EPHX1: variants seen among roughly 807,000 people sequenced by gnomAD.
EPHX1 encodes epoxide hydratase.
A neutral mutation model predicts 43.2 loss-of-function variants in EPHX1; 40 were observed. That is an observed-to-expected ratio of 0.93 (90% CI 0.72 to 1.21). The LOEUF is 1.21. Ranked by LOEUF, EPHX1 falls within the 50% of genes most tolerant of loss-of-function variation. The pLI is 0.00. For synonymous variants in EPHX1, 221 were observed against 226.7 expected, an observed-to-expected ratio of 0.98 and a Z score of 0.22; for missense variants, 550 against 570.4, an observed-to-expected ratio of 0.96 and a Z score of 0.36.
rs778715423 is a variant in EPHX1 at position 225,838,862 on chromosome 1, A to G, written c.573A>G (p.Ser191=). Residue 191 remains serine (S), a synonymous_variant, in exon 4 of 9, where the codon TCA becomes TCG. Coordinates refer to ENST00000272167, the MANE Select transcript of EPHX1 (RefSeq NM_001136018.4). ...ICPSIPGYGF[S]EASSKKGFNS... The stretch of plus-strand genomic sequence containing the variant: ...CTTCCATCCCTGGCTATGGCTTCTC[A>G]GAGGCATCCTCCAAGAAGGGTACGG... 6.2e-7 allele frequency: 1 copy of G among 1,614,024 alleles called. No homozygotes were observed. The highest frequency in any genetic ancestry group is 1.3e-5 in the African/African-American group (1 of 74,914).
intron 1 of EPHX1, among the ~76,000 whole-genome samples, chr1:225,824,094 G>C (rs936706080): frequency 1.3e-5 from 2 of 152,306 alleles, no homozygotes; most frequent in Non-Finnish European, 2.9e-5. Context: ...GGGTTAGGCA[G>C]ATAGAGAGTG....
chr1:225,845,174 T>G lies in EPHX1; in HGVS notation c.1195T>G (p.Ser399Ala). Residue 399 changes from serine (S) to alanine (A), a missense_variant, in exon 9 of 9, where the codon TCT becomes GCT. Coordinates refer to ENST00000272167, the MANE Select transcript of EPHX1 (RefSeq NM_001136018.4). Reference protein sequence around the residue: ...RMKVYVPTGFSAFPFELLHTP... With the variant: ...RMKVYVPTGFAAFPFELLHTP... ...GAAGGTCTATGTGCCCACTGGCTTC[T>G]CTGCCTTCCCTTTTGAGCTATTGCA... 6.2e-7 allele frequency: 1 copy of G among 1,614,172 alleles called. No homozygotes were observed. The highest frequency in any genetic ancestry group is 8.5e-7 in the Non-Finnish European group (1 of 1,180,034).
intron 3 of EPHX1, among the ~76,000 whole-genome samples, chr1:225,833,174 T>G (rs1460334764): frequency 1.3e-5 from 2 of 152,218 alleles, no homozygotes; most frequent in African/African-American, 2.4e-5. Flanking sequence ...ATTTTTTATA[T>G]TGAAGAAATT....
intron 1 of EPHX1, among the ~76,000 whole-genome samples, chr1:225,827,833 G>A (rs1361378669): frequency 6.6e-6 from 1 of 152,212 alleles, no homozygotes; most frequent in African/African-American, 2.4e-5. Flanking sequence ...CAGCTAAGCT[G>A]TGTGGCCATG....
In EPHX1 at chr1:225,839,366, GGTGTGTGTGT is replaced by G. The variant is rs34868815; in HGVS notation, c.722+47_722+56del. 6.6e-4 allele frequency: 1,032 copies of G among 1,560,668 alleles called. No homozygotes were observed. The highest frequency in any genetic ancestry group is 4.9e-3 in the Middle Eastern group (25 of 5,100). On this transcript the variant is annotated intron_variant, in intron 5 of 8. Transcript: ENST00000272167. ...GCCCAGGTGAGGTCACTGTTGGGGT[GGTGTGTGTGT>G]GTGTGTGTGTGTGTGTGTGTGTGTG...
At chr1:225,841,904 T>C (rs1668463317) in intron 6 of EPHX1, among the ~76,000 whole-genome samples, 1 of 152,256 alleles carries the variant, frequency 6.6e-6, no homozygotes, top group Non-Finnish European at 1.5e-5. Flanking sequence ...GCCCCCAGCC[T>C]GTTCCAGCCA....
At chr1:225,842,326 C>T (rs577154943) in intron 6 of EPHX1, 40 bp from the exon 7 acceptor site, 1 of 1,443,046 alleles carries the variant, frequency 6.9e-7, no homozygotes, top group African/African-American at 1.4e-5. Flanking sequence ...TCTCTGGTCC[C>T]CAGGCCTGAG....
chr1:225,832,413 G>T (rs563731569), intron 3 of EPHX1, among the ~76,000 whole-genome samples: 117 of 152,334 alleles, frequency 7.7e-4, no homozygotes, highest in Middle Eastern at 3.4e-3. Flanking sequence ...GCAGGCAGCT[G>T]TAATCCCAGC....
chr1:225,824,534 T>G (rs1278621171), intron 1 of EPHX1, among the ~76,000 whole-genome samples: 5 of 152,146 alleles, frequency 3.3e-5, no homozygotes, highest in African/African-American at 1.2e-4. Context: ...TTTACCAGGG[T>G]CTAGGAATTG....
At chr1:225,834,104 A>AG (rs1323640426) in intron 3 of EPHX1, among the ~76,000 whole-genome samples, 12 of 76,164 alleles carry the variant, frequency 1.6e-4, no homozygotes, top group Non-Finnish European at 2.6e-4. Context: ...TCTCAAAAAA[A>AG]AAAAAAAGAA....
At chr1:225,841,530 C>T (rs532579568) in intron 6 of EPHX1, among the ~76,000 whole-genome samples, 24 of 150,688 alleles carry the variant, frequency 1.6e-4, no homozygotes, top group South Asian at 1.1e-3. Flanking sequence ...GTGATCCACC[C>T]GCCTCGGCCT....
At chr1:225,822,916 C>T (rs935059538) in intron 1 of EPHX1, among the ~76,000 whole-genome samples, 3 of 152,004 alleles carry the variant, frequency 2.0e-5, no homozygotes, top group African/African-American at 4.8e-5. Flanking sequence ...TATGTGCACA[C>T]GGCTGCAGCG....
Position 225,828,844 on chromosome 1 carries a change from A to G in EPHX1, c.115A>G (p.Arg39Gly), listed in dbSNP as rs940678562. ...AGATGGGTGGTGGGGGCCAGGCACG[A>G]GGTCCGCAGCCAGGGAGGACGACAG... Reference protein sequence around the residue: ...LEDGWWGPGTRSAAREDDSIR... With the variant: ...LEDGWWGPGTGSAAREDDSIR... Residue 39 changes from arginine (R) to glycine (G), a missense_variant, in exon 2 of 9, where the codon AGG (arginine) becomes GGG (glycine). Arg to Gly is a moderately radical substitution (Grantham distance 125). Transcript: ENST00000272167. 6.2e-7 allele frequency: 1 copy of G among 1,611,810 alleles called. No individual in the cohort carries two copies. Among genetic ancestry groups the G allele is most frequent in the Non-Finnish European group, 8.5e-7 (1 of 1,178,966 alleles).
At position 225,839,887 on chromosome 1, in the gene EPHX1, A is replaced by G. The variant is rs572022944; in HGVS notation, c.781A>G (p.Thr261Ala). 2 of 1,613,890 alleles carry G rather than the reference A, an allele frequency of 1.2e-6. No homozygotes were observed. The highest frequency in any genetic ancestry group is 2.2e-5 in the South Asian group (2 of 91,060). ...ALVLSNFSTL[T>A]LLLGQRFGRF... ...GGTTTTAAGCAACTTCTCTACCCTG[A>G]CCCTCCTCCTGGGACAGCGTTTCGG... is the stretch of plus-strand genomic sequence containing the variant. Residue 261 changes from threonine (T) to alanine (A), a missense_variant, in exon 6 of 9, where the codon ACC becomes GCC. Thr to Ala is a moderately conservative substitution (Grantham distance 58). Transcript: ENST00000272167.
At chr1:225,844,984 A>G (rs1339732510) in intron 8 of EPHX1, among the ~76,000 whole-genome samples, 162 bp from the exon 9 acceptor site, 1 of 152,176 alleles carries the variant, frequency 6.6e-6, no homozygotes, top group Non-Finnish European at 1.5e-5. Flanking sequence ...GAAGGCCCTC[A>G]GTGAGGGGAG....
In EPHX1 at chr1:225,844,572, G is replaced by A. The variant is rs778643426; in HGVS notation, c.1115G>A (p.Arg372His). 15 of 1,614,004 alleles carry A rather than the reference G, an allele frequency of 9.3e-6. No homozygotes were observed. Among genetic ancestry groups the A allele is most frequent in the East Asian group, 6.7e-5 (3 of 44,898 alleles). ...ACAGGCACCATCATCTCCTCCCAGC[G>A]CTTCTACAAGGAGAACCTGGGACAG... ...WTTGTIISSQ[R>H]FYKENLGQGW... Residue 372 changes from arginine to histidine, a missense_variant, in exon 8 of 9, where the codon CGC becomes CAC. Arg to His is a conservative substitution (Grantham distance 29). Transcript: ENST00000272167.
chr1:225,842,232 G>A (rs1274391976), intron 6 of EPHX1, 134 bp from the exon 7 acceptor site: 1 of 734,172 alleles, frequency 1.4e-6, no homozygotes, highest in African/African-American at 1.7e-5. Flanking sequence ...CAGGAGTTAA[G>A]GCAGGCCTGT....
At chr1:225,829,538 A>G (rs931918245) in intron 2 of EPHX1, among the ~76,000 whole-genome samples, 1 of 151,848 alleles carries the variant, frequency 6.6e-6, no homozygotes, top group East Asian at 1.9e-4. Flanking sequence ...GAAGGAGGTG[A>G]CTGGGCAGGT....
intron 3 of EPHX1, among the ~76,000 whole-genome samples, chr1:225,834,166 G>A (rs113489264): frequency 1.3e-5 from 2 of 150,728 alleles, no homozygotes; most frequent in Non-Finnish European, 2.9e-5. Context: ...TAGCACTGTG[G>A]GAGGCCGAGG....
Sources: allele counts gnomAD v4.1 joint callset (sites outside exome capture counted in the v4.1 genomes callset), GRCh38; gene constraint gnomAD v4.1.1; transcripts MANE v1.5; gene names NCBI Gene and HGNC (gene_info 2026-07-23, HGNC 2026-07-21).